The following PCDH7 variants were observed in gnomAD, a reference collection of about 807,000 sequenced individuals.
PCDH7 encodes protocadherin 7, also known as protocadherin-7.
PCDH7 carries 17 observed loss-of-function variants against 58.9 expected under a neutral mutation model. That is an observed-to-expected ratio of 0.29 (90% CI 0.20 to 0.43). PCDH7 has a LOEUF of 0.43. Ranked by LOEUF, PCDH7 falls within the 20% of genes least tolerant of loss-of-function variation. The pLI is 1.00. For synonymous variants in PCDH7, 664 were observed against 616.4 expected (o/e 1.08, Z -1.14); for missense variants, 1,274 against 1,441.0 (o/e 0.88, Z 1.88).
intron 1 of PCDH7, among the ~76,000 whole-genome samples, chr4:30,726,398 C>CAT (rs1411939148): frequency 1.3e-5 from 2 of 151,990 alleles, no homozygotes; most frequent in African/African-American, 4.8e-5. Context: ...TTTGAATGGA[C>CAT]ATATCAAGTG....
intron 1 of PCDH7, among the ~76,000 whole-genome samples, chr4:30,771,552 G>T (rs893711756): frequency 2.6e-5 from 4 of 152,124 alleles, no homozygotes; most frequent in African/African-American, 9.7e-5. Context: ...TCCTCCTGGA[G>T]CTCTTTGCTG....
intron 3 of PCDH7, among the ~76,000 whole-genome samples, chr4:31,013,888 C>A (rs1303106832): frequency 6.6e-6 from 1 of 152,088 alleles, no homozygotes; most frequent in Non-Finnish European, 1.5e-5. Context: ...TTATTTATAG[C>A]TTCCTGTAAG....
At chr4:31,105,875 C>T (rs183066186) in intron 3 of PCDH7, among the ~76,000 whole-genome samples, 30 of 151,850 alleles carry the variant, frequency 2.0e-4, no homozygotes, top group African/African-American at 7.0e-4. Flanking sequence ...GGCATGGTGG[C>T]GGGCGCCTGT....
At chr4:31,114,519 G>A (rs1337762903) in intron 3 of PCDH7, among the ~76,000 whole-genome samples, 1 of 151,630 alleles carries the variant, frequency 6.6e-6, no homozygotes, top group Non-Finnish European at 1.5e-5. Context: ...TACAAAATTG[G>A]GCTTGTTTTT....
At position 31,101,245 on chromosome 4, in the gene PCDH7, T is replaced by A. The variant is rs59961157; in HGVS notation, c.*8-41228T>A. Among the ~76,000 whole-genome samples the A allele has an allele frequency of 5.9e-3, 904 of 152,308 alleles. 11 individuals carry two copies. The highest frequency in any genetic ancestry group is 0.021 in the African/African-American group (855 of 41,566). ...CTAAAGTGAGTTTAAATTTGAATTG[T>A]CAAAGGAAATTTTACATGCATTAAG... is the stretch of plus-strand genomic sequence containing the variant. On this transcript the variant is annotated intron_variant, in intron 3 of 3. Transcript: ENST00000509759.
At chr4:31,002,192 G>A (rs993379761) in intron 3 of PCDH7, among the ~76,000 whole-genome samples, 2 of 152,100 alleles carry the variant, frequency 1.3e-5, no homozygotes, top group Non-Finnish European at 2.9e-5. Context: ...CAAAAATGTC[G>A]AGTGATCCTT....
chr4:30,999,513 G>A (rs2109135176), intron 3 of PCDH7, among the ~76,000 whole-genome samples: 1 of 152,184 alleles, frequency 6.6e-6, no homozygotes, highest in South Asian at 2.1e-4. Flanking sequence ...AAATTAATTT[G>A]AATAGAGCAT....
At chr4:30,866,784 G>A (rs935991844) in intron 1 of PCDH7, among the ~76,000 whole-genome samples, 1 of 151,670 alleles carries the variant, frequency 6.6e-6, no homozygotes, top group Non-Finnish European at 1.5e-5. Context: ...TAAGACAATC[G>A]TTTACAGAGA....
chr4:30,922,989 G>A (rs1213874793), intron 2 of PCDH7, among the ~76,000 whole-genome samples: 1 of 152,104 alleles, frequency 6.6e-6, no homozygotes, highest in African/African-American at 2.4e-5. Context: ...AATAGAATTG[G>A]AATTGAAACC....
chr4:30,985,002 C>T (rs1426608929), intron 3 of PCDH7, among the ~76,000 whole-genome samples: 1 of 152,044 alleles, frequency 6.6e-6, no homozygotes, highest in Non-Finnish European at 1.5e-5. Flanking sequence ...AGTCTTGCTC[C>T]GTCGCCCAGA....
intron 3 of PCDH7, among the ~76,000 whole-genome samples, chr4:31,022,141 T>A (rs1304860783): frequency 1.3e-5 from 2 of 152,166 alleles, no homozygotes; most frequent in Non-Finnish European, 2.9e-5. Flanking sequence ...GTAGTGAGAG[T>A]TGATTTTCTG....
At chr4:30,894,596 C>CACATATAT (rs1553909545) in intron 1 of PCDH7, among the ~76,000 whole-genome samples, 1 of 124,144 alleles carries the variant, frequency 8.1e-6, no homozygotes, top group African/African-American at 3.0e-5. Context: ...CACACACACA[C>CACATATAT]ATATATATAT....
At chr4:30,878,365 G>C (rs1736547156) in intron 1 of PCDH7, among the ~76,000 whole-genome samples, 1 of 152,092 alleles carries the variant, frequency 6.6e-6, no homozygotes, top group Non-Finnish European at 1.5e-5. Flanking sequence ...TAATCAAATG[G>C]GTTTACCTAG....
chr4:30,809,777 TC>T (rs1726739719), intron 1 of PCDH7, among the ~76,000 whole-genome samples: 1 of 152,270 alleles, frequency 6.6e-6, no homozygotes, highest in Admixed American at 6.5e-5. Context: ...CTTTTTACTT[TC>T]GACGCCCTAG....
chr4:30,760,841 C>G (rs1255396974), intron 1 of PCDH7, among the ~76,000 whole-genome samples: 1 of 152,162 alleles, frequency 6.6e-6, no homozygotes, highest in Non-Finnish European at 1.5e-5. Flanking sequence ...GTGTGCCTTA[C>G]ACAGACACAT....
chr4:30,856,690 T>C (rs879686787), intron 1 of PCDH7, among the ~76,000 whole-genome samples: 12 of 90,146 alleles, frequency 1.3e-4, no homozygotes, highest in African/African-American at 5.5e-4. Flanking sequence ...TATACTGATA[T>C]CAGAAAAAAA....
At chr4:31,102,736 C>T (rs919032689) in intron 3 of PCDH7, among the ~76,000 whole-genome samples, 9 of 151,790 alleles carry the variant, frequency 5.9e-5, no homozygotes, top group Non-Finnish European at 4.4e-5. Context: ...AGTCAAGTAT[C>T]ATGTACAAAA....
chr4:31,078,639 A>AT (rs10709152), intron 3 of PCDH7, among the ~76,000 whole-genome samples: 3,629 of 73,514 alleles, frequency 0.049, 314 homozygotes, highest in African/African-American at 0.12. Flanking sequence ...ACCATGCCCC[A>AT]TTTTTTTTTT....
intron 3 of PCDH7, among the ~76,000 whole-genome samples, chr4:31,000,023 A>ACTT (rs1201719523): frequency 6.6e-6 from 1 of 152,146 alleles, no homozygotes; most frequent in African/African-American, 2.4e-5. Context: ...GTTTTATAAA[A>ACTT]CTTATAATGC....
Sources: gnomAD v4.1 joint callset for allele counts (sites outside exome capture counted in the v4.1 genomes callset) on GRCh38, gnomAD v4.1.1 for gene constraint, MANE v1.5 for transcripts, NCBI Gene and HGNC (gene_info 2026-07-23, HGNC 2026-07-21) for gene names.